The following DCTN1 variants were observed in gnomAD, a reference collection of about 807,000 sequenced individuals.
DCTN1 encodes the protein dynactin subunit 1.
A neutral mutation model predicts 161.2 loss-of-function variants in DCTN1; 61 were observed. The observed-to-expected ratio is 0.38, with a 90% CI of 0.31 to 0.47. DCTN1 has a LOEUF of 0.47. Among genes scored for constraint, DCTN1 ranks in the 20% least tolerant of loss-of-function variants. The probability of loss-of-function intolerance (pLI) is 0.99; values close to 1 mark genes in which losing one functional copy is unlikely to be tolerated. For synonymous variants in DCTN1, 653 were observed against 632.4 expected, an observed-to-expected ratio of 1.03 and a Z score of -0.49; for missense variants, 1,404 against 1,623.7, an observed-to-expected ratio of 0.86 and a Z score of 2.33.
intron 30 of DCTN1, 125 bp downstream of exon 30, chr2:74,362,525 G>C (rs1674084564): frequency 2.0e-6 from 2 of 988,138 alleles, no homozygotes. Flanking sequence ...CAAGAACCCT[G>C]CCTTCCCTTC....
At chr2:74,364,350 A>G (rs1252598054) in intron 26 of DCTN1, 1 of 158,228 alleles carries the variant, frequency 6.3e-6, no homozygotes, top group African/African-American at 2.4e-5. Flanking sequence ...AGCAGCTGGG[A>G]AAGTCTGGAG....
rs781030556 is a variant in DCTN1, at chr2:74,376,790, T to G, written c.394-28A>C. 2.5e-6 allele frequency: 4 copies of G among 1,596,564 alleles called. No individual in the cohort carries two copies. In the South Asian group the frequency reaches 3.4e-5, roughly 14 times the overall value. ...GCATGAGGAGTAGGAAAGGGCAGAG[T>G]TAGAGAACAGATGTCCTGGGCATAG... On this transcript the variant is annotated intron_variant, in intron 4 of 31. Coordinates refer to ENST00000628224, the MANE Select transcript of DCTN1 (RefSeq NM_004082.5).
At chr2:74,377,173 C>T (rs535328208) in intron 4 of DCTN1, among the ~76,000 whole-genome samples, 17 of 152,326 alleles carry the variant, frequency 1.1e-4, no homozygotes, top group Admixed American at 8.5e-4. Flanking sequence ...TAGGGCCAGA[C>T]CTGTCCTTCC....
Position 74,366,610 on chromosome 2 carries a change from G to C in DCTN1, c.2477C>G (p.Thr826Arg), listed in dbSNP as rs766585070. The C allele has an allele frequency of 6.2e-7, 1 of 1,612,262 alleles. No homozygotes were observed. The highest frequency in any genetic ancestry group is 8.5e-7 in the Non-Finnish European group (1 of 1,180,030). Residue 826 changes from threonine to arginine, a missense_variant, in exon 22 of 32, where the codon ACG (threonine) becomes AGG (arginine). Physicochemically the swap from Thr to Arg is moderately conservative, Grantham distance 71. This residue lies in a region of DCTN1 where 475 missense variants were observed against 489.8 expected (regional missense o/e 0.97). Transcript: ENST00000628224. ...ALAFGPQVSD[T>R]LLDCRKHLTW... ...CAAGTGTTTCCTGCAGTCTAGGAGC[G>C]TGTCAGATACCTGTGTGCCAGGCCA...
At chr2:74,382,968 G>A (rs112469404), upstream of DCTN1, among the ~76,000 whole-genome samples, 16 of 151,622 alleles carry the variant, frequency 1.1e-4, no homozygotes, top group African/African-American at 1.5e-4. Flanking sequence ...CCAGCTACTC[G>A]GGAGGCTGAG....
chr2:74,388,676 T>C (rs934759730), intron 1 of DCTN1, among the ~76,000 whole-genome samples: 1 of 152,190 alleles, frequency 6.6e-6, no homozygotes, highest in Non-Finnish European at 1.5e-5. Flanking sequence ...ATTTAAAATA[T>C]CATCTCTTAC....
intron 6 of DCTN1, 69 bp downstream of exon 6, chr2:74,374,254 C>A (rs1259254380): frequency 2.0e-6 from 3 of 1,519,254 alleles, no homozygotes; most frequent in South Asian, 2.3e-5. Context: ...GCCCCCACCC[C>A]CACCCCAGCA....
At chr2:74,381,262 G>A (rs1675497402), upstream of DCTN1, among the ~76,000 whole-genome samples, 1 of 152,156 alleles carries the variant, frequency 6.6e-6, no homozygotes, top group Admixed American at 6.5e-5. Context: ...GGTTGGCCTG[G>A]GGTCTGACCT....
intron 1 of DCTN1, among the ~76,000 whole-genome samples, chr2:74,390,269 A>G (rs780936315): frequency 2.0e-5 from 3 of 152,236 alleles, no homozygotes; most frequent in East Asian, 3.8e-4. Context: ...TGGAGTCAAC[A>G]TTTTAGGAAG....
Position 74,372,909 on chromosome 2 carries a change from C to T in DCTN1, c.453+19G>A. 1 of 1,613,868 alleles carries T rather than the reference C, an allele frequency of 6.2e-7. No homozygotes were observed. Among genetic ancestry groups the T allele is most frequent in the Non-Finnish European group, 8.5e-7 (1 of 1,179,782 alleles). ...TGTGTACACTCAGCAGTGGCTCACA[C>T]AGGGGCCTGTTTTCTCACCTTGGGT... On this transcript the variant is annotated intron_variant, in intron 7 of 31. Coordinates refer to ENST00000628224, the MANE Select transcript of DCTN1 (RefSeq NM_004082.5).
At position 74,370,291 on chromosome 2, in the gene DCTN1, G is replaced by T. The variant is rs1381361807; in HGVS notation, c.1182C>A (p.Leu394=). 4 of 1,613,930 alleles carry T rather than the reference G, an allele frequency of 2.5e-6. No individual in the cohort carries two copies. The highest frequency in any genetic ancestry group is 1.7e-6 in the Non-Finnish European group (2 of 1,180,042). ...CCAGCTCTTGGTTCTTCTTTTCCAT[G>T]AGCTTCTGGAGCTTCACATGCTCCT... ...EKQEHVKLQK[L]MEKKNQELEV... Residue 394 remains leucine, a synonymous_variant, in exon 12 of 32, where the codon CTC becomes CTA. Transcript: ENST00000628224. The surrounding 1 kb of genome is among the most constrained non-coding windows in gnomAD (Gnocchi z 4.4).
intron 7 of DCTN1, 63 bp downstream of exon 7, chr2:74,372,862 ACAT>A: frequency 6.6e-7 from 1 of 1,509,686 alleles, no homozygotes; most frequent in South Asian, 1.1e-5. Flanking sequence ...GTGCCCTCAT[ACAT>A]CCACATGCCT....
Position 74,364,885 on chromosome 2 carries a change from G to A in DCTN1, c.3196+190C>T, listed in dbSNP as rs1325485420. 11 of 692,744 alleles carry A rather than the reference G, an allele frequency of 1.6e-5. No homozygotes were observed. The East Asian group carries it at 2.7e-4, about 17-fold the overall frequency. 42.9% of individuals were successfully genotyped at this position (692,744 alleles called of 1,614,324 possible). On this transcript the variant is annotated intron_variant, in intron 26 of 31. Transcript: ENST00000628224. ...ATTTAGTAATGCCCTCCTTTGCCCA[G>A]AGAAACTCAGCACACATCTTCAGCG...
rs1166896176 is a variant in DCTN1, at chr2:74,366,344, T to A, written c.2660A>T (p.Glu887Val). ...IYGTPSSSPY[E>V]CLRQSCNILI... ...GATGTTGCATGACTGGCGCAGACAC[T>A]CATAGGGGCTGCTGGAGGGGGTCCC... is the stretch of plus-strand genomic sequence containing the variant. The change falls in exon 23 of 32, where the codon GAG (glutamate) becomes GTG (valine). Residue 887 changes from glutamate (E) to valine (V), a missense_variant. Transcript: ENST00000628224. 1.2e-6 allele frequency: 2 copies of A among 1,614,152 alleles called. No individual in the cohort carries two copies. Among genetic ancestry groups the A allele is most frequent in the East Asian group, 4.5e-5 (2 of 44,872 alleles).
chr2:74,374,585 G>A (rs547754001), intron 5 of DCTN1: 124 of 1,299,348 alleles, frequency 9.5e-5, no homozygotes, highest in African/African-American at 1.4e-4. Flanking sequence ...CCCCGCAGAC[G>A]TGCAGCTGGA....
intron 8 of DCTN1, 61 bp downstream of exon 8, chr2:74,371,476 A>T: frequency 6.7e-7 from 1 of 1,493,700 alleles, no homozygotes; most frequent in Non-Finnish European, 9.1e-7. Flanking sequence ...TTCAAGACAC[A>T]GCGGGTAGCC....
chr2:74,374,305 G>C lies in DCTN1; in HGVS notation c.432+18C>G. The C allele has an allele frequency of 3.1e-6, 5 of 1,591,096 alleles. No homozygotes were observed. The highest frequency in any genetic ancestry group is 4.3e-6 in the Non-Finnish European group (5 of 1,165,894). ...TGCCCTGGCAACCCAGCAGCAGGACGAGAGCAAGCAAGAGTACCTTTCGGG... is the reference window on the plus strand; with the variant it reads ...TGCCCTGGCAACCCAGCAGCAGGACCAGAGCAAGCAAGAGTACCTTTCGGG... On this transcript the variant is annotated intron_variant, in intron 6 of 31. Coordinates refer to ENST00000628224, the MANE Select transcript of DCTN1 (RefSeq NM_004082.5).
chr2:74,373,670 C>T (rs886385381), intron 6 of DCTN1, among the ~76,000 whole-genome samples: 2 of 152,224 alleles, frequency 1.3e-5, no homozygotes, highest in South Asian at 2.1e-4. Context: ...GAAACTACAG[C>T]CCCTTCAGGT....
chr2:74,363,886 G>A (rs1674210352), intron 26 of DCTN1: 1 of 579,184 alleles, frequency 1.7e-6, no homozygotes, highest in East Asian at 3.0e-5. Context: ...CAAAGAGAGT[G>A]TGCACTGTAC....
Sources: allele counts gnomAD v4.1 joint callset (sites outside exome capture counted in the v4.1 genomes callset), GRCh38; gene constraint gnomAD v4.1.1; regional missense constraint gnomAD v4.1.1; non-coding constraint Gnocchi (gnomAD v3.1); transcripts MANE v1.5; gene names NCBI Gene and HGNC (gene_info 2026-07-23, HGNC 2026-07-21).